The following ROR2 variants were observed in gnomAD, a reference collection of about 807,000 sequenced individuals.
ROR2 encodes the protein tyrosine-protein kinase transmembrane receptor ROR2.
A neutral mutation model predicts 74.9 loss-of-function variants in ROR2; 33 were observed. The ratio of observed to expected loss-of-function variants is 0.44; its 90% CI spans 0.33 to 0.59. ROR2 has a LOEUF of 0.59. Among genes scored for constraint, ROR2 ranks in the 20% least tolerant of loss-of-function variants. ROR2 has a pLI of 0.02. For missense variants in ROR2, 1,216 were observed against 1,313.8 expected, an observed-to-expected ratio of 0.93 and a Z score of 1.15; for synonymous variants, 586 against 558.7, an observed-to-expected ratio of 1.05 and a Z score of -0.69.
chr9:91,795,312 T>A (rs1236058243), intron 1 of ROR2, among the ~76,000 whole-genome samples: 1 of 152,204 alleles, frequency 6.6e-6, no homozygotes, highest in Non-Finnish European at 1.5e-5. Context: ...TGATGTCTGA[T>A]TTCTACAATA....
chr9:91,903,303 T>G (rs977366460), intron 1 of ROR2, among the ~76,000 whole-genome samples: 1 of 152,078 alleles, frequency 6.6e-6, no homozygotes, highest in African/African-American at 2.4e-5. Context: ...GGGTCTCAGA[T>G]GCCCACACCC....
chr9:91,785,459 A>T (rs917239502), intron 1 of ROR2, among the ~76,000 whole-genome samples: 3 of 152,228 alleles, frequency 2.0e-5, no homozygotes, highest in Non-Finnish European at 4.4e-5. Context: ...TTGCATCAGA[A>T]TGAAACTCCA....
intron 1 of ROR2, among the ~76,000 whole-genome samples, chr9:91,857,572 G>A (rs144776567): frequency 2.0e-4 from 31 of 152,350 alleles, no homozygotes; most frequent in Non-Finnish European, 3.2e-4. Flanking sequence ...CCTGTGTGCA[G>A]AGCAGTGCCT....
chr9:91,944,629 A>T (rs1831965113), intron 1 of ROR2, among the ~76,000 whole-genome samples: 1 of 152,256 alleles, frequency 6.6e-6, no homozygotes. Flanking sequence ...CTCGAAAAGA[A>T]TAAAATACTC....
intron 1 of ROR2, among the ~76,000 whole-genome samples, chr9:91,896,236 C>T (rs369272873): frequency 1.3e-5 from 2 of 152,198 alleles, no homozygotes; most frequent in African/African-American, 4.8e-5. Flanking sequence ...CCTTAGACTG[C>T]GTGTCCTTCC....
chr9:91,821,519 C>T (rs1053754998), intron 1 of ROR2, among the ~76,000 whole-genome samples: 4 of 152,108 alleles, frequency 2.6e-5, no homozygotes, highest in Non-Finnish European at 4.4e-5. Flanking sequence ...ATCAGACTGC[C>T]CCATACAGTA....
At chr9:91,871,734 C>G (rs1256639164) in intron 1 of ROR2, among the ~76,000 whole-genome samples, 1 of 152,174 alleles carries the variant, frequency 6.6e-6, no homozygotes, top group Non-Finnish European at 1.5e-5. Flanking sequence ...ACTTTCTGCC[C>G]TTAACACACT....
chr9:91,775,888 G>T, intron 1 of ROR2, 70 bp from the exon 2 acceptor site: 1 of 1,337,472 alleles, frequency 7.5e-7, no homozygotes, highest in Non-Finnish European at 1.1e-6. Context: ...TGCTTCTTAT[G>T]CAAAGACAAC....
At chr9:91,727,142 T>C (rs187939769) in intron 7 of ROR2, among the ~76,000 whole-genome samples, 32 of 152,364 alleles carry the variant, frequency 2.1e-4, no homozygotes, top group African/African-American at 7.5e-4. Context: ...TGAAATTCAC[T>C]GGAGACCCTT....
At chr9:91,786,051 T>C (rs931140628) in intron 1 of ROR2, among the ~76,000 whole-genome samples, 1 of 150,004 alleles carries the variant, frequency 6.7e-6, no homozygotes, top group Admixed American at 6.8e-5. Flanking sequence ...AAAGGCAATA[T>C]AGCTGGCACC....
chr9:91,861,851 AT>A (rs1404946196), intron 1 of ROR2, among the ~76,000 whole-genome samples: 1 of 152,152 alleles, frequency 6.6e-6, no homozygotes, highest in East Asian at 1.9e-4. Context: ...TTGTTAAGGG[AT>A]TTGTATTTAG....
At chr9:91,795,990 C>A (rs1307254902) in intron 1 of ROR2, among the ~76,000 whole-genome samples, 1 of 152,156 alleles carries the variant, frequency 6.6e-6, no homozygotes, top group African/African-American at 2.4e-5. Flanking sequence ...ATGAAAAGAA[C>A]AAGTGCTGGT....
rs971951569 is a variant in ROR2 at position 91,730,826 on chromosome 9, C to A, written c.1183+84G>T. The A allele has an allele frequency of 1.9e-6, 3 of 1,586,990 alleles. No individual in the cohort carries two copies. In the African/African-American group the frequency reaches 4.0e-5, roughly 21 times the overall value. The stretch of plus-strand genomic sequence containing the variant: ...GGTCGCCACCGTACAGAGGCACACC[C>A]CAACCCAGGTCAGGACAGAACGCCC... On this transcript the variant is annotated intron_variant, in intron 7 of 8. Coordinates refer to ENST00000375708, the MANE Select transcript of ROR2 (RefSeq NM_004560.4).
At chr9:91,779,868 C>T (rs1826552752) in intron 1 of ROR2, among the ~76,000 whole-genome samples, 1 of 152,174 alleles carries the variant, frequency 6.6e-6, no homozygotes, top group Non-Finnish European at 1.5e-5. Context: ...TCAGCTGAGT[C>T]CTACAGGAAT....
At chr9:91,861,032 G>A (rs536188413) in intron 1 of ROR2, among the ~76,000 whole-genome samples, 7 of 152,146 alleles carry the variant, frequency 4.6e-5, no homozygotes, top group East Asian at 1.9e-4. Context: ...ATATTACTTA[G>A]GAAGAAATTT....
intron 1 of ROR2, among the ~76,000 whole-genome samples, chr9:91,885,661 A>G (rs1242187176): frequency 6.6e-6 from 1 of 152,190 alleles, no homozygotes; most frequent in African/African-American, 2.4e-5. Flanking sequence ...AGTGATCTAC[A>G]AAAGCCCTGC....
intron 1 of ROR2, among the ~76,000 whole-genome samples, chr9:91,926,256 G>A (rs1340742847): frequency 8.6e-5 from 13 of 151,826 alleles, no homozygotes; most frequent in South Asian, 6.2e-4. Context: ...TGTGGCGGGC[G>A]CCTGTAGTCC....
chr9:91,764,660 T>C (rs897124454), intron 2 of ROR2, among the ~76,000 whole-genome samples: 4 of 152,050 alleles, frequency 2.6e-5, no homozygotes, highest in Admixed American at 6.6e-5. Context: ...TTATTTTTAC[T>C]GTCAGAGTAT....
rs757294497 is a variant in ROR2 at position 91,892,778 on chromosome 9, G to C, written c.97+57089C>G. ...CTAATTTTTGTATTTTTTTAGTAGA[G>C]ACGGGGTTTCACCATGTTGGCCAGG... On this transcript the variant is annotated intron_variant, in intron 1 of 8. Transcript: ENST00000375708. 2.3e-3 allele frequency among the ~76,000 whole-genome samples: 352 copies of C among 151,714 alleles called. 1 individual carries two copies. Among genetic ancestry groups the C allele is most frequent in the Non-Finnish European group, 4.2e-3 (288 of 67,908 alleles).
Sources: gnomAD v4.1 joint callset for allele counts (sites outside exome capture counted in the v4.1 genomes callset) on GRCh38, gnomAD v4.1.1 for gene constraint, MANE v1.5 for transcripts, NCBI Gene and HGNC (gene_info 2026-07-23, HGNC 2026-07-21) for gene names.